Variants in GNA14 observed in about 807,000 individuals in gnomAD.
GNA14 encodes the protein G protein subunit alpha 14.
GNA14 carries 50 observed loss-of-function variants against 42.0 expected under a neutral mutation model. The ratio of observed to expected loss-of-function variants is 1.19; its 90% confidence interval spans 0.95 to 1.51. The LOEUF (loss-of-function observed/expected upper bound fraction) is 1.51, where lower values mean the gene tolerates loss of function less well. Among genes scored for constraint, GNA14 ranks in the 40% most tolerant of loss-of-function variants. The probability of loss-of-function intolerance (pLI) is 0.00; values close to 1 mark genes in which losing one functional copy is unlikely to be tolerated. For synonymous variants in GNA14, 173 were observed against 163.1 expected (o/e 1.06, Z -0.46); for missense variants, 473 against 446.2 (o/e 1.06, Z -0.54).
At chr9:77,606,890 G>A (rs1823652446) in intron 1 of GNA14, among the ~76,000 whole-genome samples, 1 of 152,096 alleles carries the variant, frequency 6.6e-6, no homozygotes, top group African/African-American at 2.4e-5. Context: ...ACGCCAGGTT[G>A]GGATTTATCT....
chr9:77,597,744 T>C (rs1444216446), intron 1 of GNA14, among the ~76,000 whole-genome samples: 2 of 151,892 alleles, frequency 1.3e-5, no homozygotes, highest in Admixed American at 1.3e-4. Context: ...TCCCATAAAA[T>C]TTCTCCAGTA....
At chr9:77,490,530 G>C (rs924017120) in intron 2 of GNA14, among the ~76,000 whole-genome samples, 1 of 152,366 alleles carries the variant, frequency 6.6e-6, no homozygotes, top group African/African-American at 2.4e-5. Flanking sequence ...CCTGCCTCGC[G>C]GGAAGGCAGC....
chr9:77,423,779 G>T lies in GNA14; in HGVS notation c.*200C>A. On this transcript the variant is annotated 3_prime_UTR_variant, in exon 7 of 7. Coordinates refer to ENST00000341700, the MANE Select transcript of GNA14 (RefSeq NM_004297.4). ...AAGAAAATAATTATAAACACAATTT[G>T]GGATGTAAGGACTTTTAAAGTATGT... 2.8e-6 allele frequency: 1 copy of T among 361,810 alleles called. No homozygotes were observed. 22.4% of individuals were successfully genotyped at this position (361,810 alleles called of 1,614,324 possible).
chr9:77,641,947 G>C (rs768172199), intron 1 of GNA14, among the ~76,000 whole-genome samples: 3 of 152,094 alleles, frequency 2.0e-5, no homozygotes, highest in Non-Finnish European at 2.9e-5. Flanking sequence ...AAGGGAAAAG[G>C]GCATACCTAT....
At chr9:77,424,568 G>A (rs1835425616) in intron 6 of GNA14, among the ~76,000 whole-genome samples, 2 of 152,112 alleles carry the variant, frequency 1.3e-5, no homozygotes, top group South Asian at 4.1e-4. Context: ...TTGAGATCCT[G>A]CTTTGATCCA....
chr9:77,556,424 C>T (rs968962068), intron 1 of GNA14, among the ~76,000 whole-genome samples: 9 of 152,126 alleles, frequency 5.9e-5, no homozygotes, highest in African/African-American at 1.9e-4. Flanking sequence ...CAATCCATTC[C>T]TGACCACTGA....
rs961303071 is a variant in GNA14 at position 77,488,776 on chromosome 9, C to A, written c.309+40293G>T. 2.6e-5 allele frequency among the ~76,000 whole-genome samples: 3 copies of A among 114,828 alleles called. No homozygotes were observed. The East Asian group carries it at 8.1e-4, about 31-fold the overall frequency. The allele number at this position is 114,828 out of a possible 152,430, so 75.3% of individuals were successfully genotyped here. A position where few individuals can be genotyped will look rare whatever the true frequency, so the allele number is the denominator to read the frequency against. Reference sequence around the variant, plus strand: ...GTTACAAAGACTCTTTAAGCAAACACACCTAATTAAAAAAAAAAAAAAAAA... The same window carrying A: ...GTTACAAAGACTCTTTAAGCAAACAAACCTAATTAAAAAAAAAAAAAAAAA... On this transcript the variant is annotated intron_variant, in intron 2 of 6. Transcript: ENST00000341700.
intron 1 of GNA14, among the ~76,000 whole-genome samples, chr9:77,635,612 T>C (rs1238090424): frequency 1.3e-5 from 2 of 152,236 alleles, no homozygotes; most frequent in Non-Finnish European, 2.9e-5. Context: ...GTCCAAGGCT[T>C]ATGTCCATAT....
At chr9:77,459,955 G>T (rs1836075524) in intron 2 of GNA14, among the ~76,000 whole-genome samples, 1 of 152,108 alleles carries the variant, frequency 6.6e-6, no homozygotes. Context: ...GGCACCAATG[G>T]GTCTCGTGGA....
intron 1 of GNA14, among the ~76,000 whole-genome samples, chr9:77,588,392 A>C (rs1160206355): frequency 1.3e-5 from 2 of 152,220 alleles, no homozygotes; most frequent in African/African-American, 4.8e-5. Context: ...AGAATGTGAA[A>C]GTAACAAGCA....
At chr9:77,525,486 A>G (rs551484424) in intron 2 of GNA14, among the ~76,000 whole-genome samples, 1 of 152,112 alleles carries the variant, frequency 6.6e-6, no homozygotes, top group African/African-American at 2.4e-5. Flanking sequence ...ATGGACTTGT[A>G]TCCTAGTTTC....
At chr9:77,630,774 G>A (rs967208989) in intron 1 of GNA14, among the ~76,000 whole-genome samples, 2 of 152,098 alleles carry the variant, frequency 1.3e-5, no homozygotes, top group African/African-American at 2.4e-5. Context: ...AGCTACAAAT[G>A]TCTCTTTGCA....
chr9:77,604,423 G>A (rs1222157555), intron 1 of GNA14, among the ~76,000 whole-genome samples: 1 of 152,178 alleles, frequency 6.6e-6, no homozygotes, highest in African/African-American at 2.4e-5. Flanking sequence ...GCAGAGTAGG[G>A]TGGGATTCAG....
intron 1 of GNA14, among the ~76,000 whole-genome samples, chr9:77,535,566 A>C (rs2131772959): frequency 1.3e-5 from 2 of 152,248 alleles, no homozygotes; most frequent in South Asian, 4.1e-4. Flanking sequence ...AAAACAAAAA[A>C]CAAAAAAGAT....
Position 77,509,116 on chromosome 9 carries a change from C to T in GNA14, c.309+19953G>A, listed in dbSNP as rs141149427. Among the ~76,000 whole-genome samples, 718 of 152,248 alleles carry T rather than the reference C, an allele frequency of 4.7e-3. 4 individuals carry two copies. In the Middle Eastern group the frequency reaches 0.065, roughly 14 times the overall value. ...AGAACTCCCCATTGGCCCCTCCCCA[C>T]GCTCAGTCCCTGCCATCCACCATTC... On this transcript the variant is annotated intron_variant, in intron 2 of 6. Transcript: ENST00000341700.
chr9:77,453,360 T>C (rs923018047), intron 2 of GNA14, among the ~76,000 whole-genome samples: 1 of 152,194 alleles, frequency 6.6e-6, no homozygotes, highest in Non-Finnish European at 1.5e-5. Flanking sequence ...AGGTATTCTG[T>C]TATAGCAGCC....
At chr9:77,565,800 C>A (rs1587832034) in intron 1 of GNA14, among the ~76,000 whole-genome samples, 1 of 152,162 alleles carries the variant, frequency 6.6e-6, no homozygotes, top group South Asian at 2.1e-4. Context: ...TATGAAATTA[C>A]TGATGTGGCT....
At chr9:77,461,396 G>A (rs747372631) in intron 2 of GNA14, among the ~76,000 whole-genome samples, 2 of 152,142 alleles carry the variant, frequency 1.3e-5, no homozygotes, top group Admixed American at 6.5e-5. Context: ...GGGCCTCAAC[G>A]GTGATTCTTA....
intron 2 of GNA14, among the ~76,000 whole-genome samples, chr9:77,476,013 T>C (rs1836415360): frequency 6.6e-6 from 1 of 152,126 alleles, no homozygotes; most frequent in Non-Finnish European, 1.5e-5. Context: ...ATGACTAAAT[T>C]GGCTTGGCAG....
Sources: allele counts gnomAD v4.1 joint callset (sites outside exome capture counted in the v4.1 genomes callset), GRCh38; gene constraint gnomAD v4.1.1; transcripts MANE v1.5; gene names NCBI Gene and HGNC (gene_info 2026-07-23, HGNC 2026-07-21).